The following RAD51B variants were observed in gnomAD, a reference collection of about 807,000 sequenced individuals.
The protein encoded by RAD51B is RAD51 paralog B, also known as DNA repair protein RAD51 homolog 2.
Under a neutral mutation model 42.2 loss-of-function variants are expected in RAD51B, and 38 were observed. That is an observed-to-expected ratio of 0.90 (90% CI 0.70 to 1.18). RAD51B has a LOEUF of 1.18. RAD51B is among the 50% of genes most tolerant of loss of function. RAD51B has a pLI of 0.00. For missense variants in RAD51B, 373 were observed against 400.7 expected (o/e 0.93, Z 0.59); for synonymous variants, 154 against 145.2 (o/e 1.06, Z -0.43).
At chr14:68,478,768 C>A (rs1347957157), downstream of RAD51B, among the ~76,000 whole-genome samples, 1 of 152,170 alleles carries the variant, frequency 6.6e-6, no homozygotes, top group Non-Finnish European at 1.5e-5. Flanking sequence ...CCTATGAGTG[C>A]CCAACAGAGT....
rs570567381 is a variant in RAD51B at position 68,251,582 on chromosome 14, G to A, written c.757-40302G>A. 2.8e-4 allele frequency among the ~76,000 whole-genome samples: 42 copies of A among 152,306 alleles called. No individual in the cohort carries two copies. The South Asian group carries it at 7.7e-3, about 28-fold the overall frequency. On this transcript the variant is annotated intron_variant, in intron 7 of 10. Transcript: ENST00000471583. ...ACTTTCCCATGATGAGCTTTAGTCT[G>A]AAGCATCCTGCAGGTGTCACATCTG...
intron 8 of RAD51B, among the ~76,000 whole-genome samples, chr14:68,382,737 A>G (rs1450694296): frequency 6.6e-6 from 1 of 152,174 alleles, no homozygotes; most frequent in Admixed American, 6.5e-5. Context: ...GACCAGCACA[A>G]TGTATCCTGG....
chr14:67,934,238 C>A (rs1434708891), intron 7 of RAD51B, among the ~76,000 whole-genome samples: 1 of 152,088 alleles, frequency 6.6e-6, no homozygotes, highest in Admixed American at 6.5e-5. Flanking sequence ...TTGTGGCCTA[C>A]TTAGCAAAGC....
intron 7 of RAD51B, among the ~76,000 whole-genome samples, chr14:68,020,758 G>A (rs923824421): frequency 1.3e-5 from 2 of 152,102 alleles, no homozygotes; most frequent in Admixed American, 6.5e-5. Context: ...TAAATTTTAT[G>A]TATACTTTAC....
At chr14:68,667,236 T>A (rs1400704107) in intron 11 of RAD51B, among the ~76,000 whole-genome samples, 1 of 152,216 alleles carries the variant, frequency 6.6e-6, no homozygotes, top group East Asian at 1.9e-4. Context: ...AGTTGATGCT[T>A]CAGCCTTGAG....
chr14:67,980,443 TA>T (rs2075071004), intron 7 of RAD51B, among the ~76,000 whole-genome samples: 1 of 151,888 alleles, frequency 6.6e-6, no homozygotes, highest in Non-Finnish European at 1.5e-5. Flanking sequence ...AACTCCGTCT[TA>T]AAAAACAAAA....
intron 10 of RAD51B, among the ~76,000 whole-genome samples, chr14:68,619,113 T>C (rs1223401716): frequency 2.0e-5 from 3 of 152,192 alleles, no homozygotes; most frequent in Admixed American, 2.0e-4. Context: ...TCCTGACACA[T>C]GCTCCCTGGA....
intron 10 of RAD51B, among the ~76,000 whole-genome samples, chr14:68,544,284 G>A (rs1217178797): frequency 6.6e-6 from 1 of 152,184 alleles, no homozygotes; most frequent in Non-Finnish European, 1.5e-5. Flanking sequence ...GCTGGAGGAA[G>A]GTTAATACTG....
intron 8 of RAD51B, among the ~76,000 whole-genome samples, chr14:68,358,417 G>A (rs1281585760): frequency 2.0e-5 from 3 of 152,196 alleles, no homozygotes; most frequent in African/African-American, 7.2e-5. Context: ...TCCGAGGCAT[G>A]TTTCAGTTTT....
intron 7 of RAD51B, among the ~76,000 whole-genome samples, chr14:68,101,583 C>T (rs2077290206): frequency 6.6e-6 from 1 of 152,212 alleles, no homozygotes; most frequent in African/African-American, 2.4e-5. Context: ...TCCTTTGACT[C>T]CGTGTCTCAT....
intron 10 of RAD51B, among the ~76,000 whole-genome samples, chr14:68,646,064 CTT>C (rs146646503): frequency 6.7e-6 from 1 of 148,720 alleles, no homozygotes; most frequent in Non-Finnish European, 1.5e-5. Context: ...TGCTAGGCAT[CTT>C]TTTTTTTTTA....
chr14:67,907,712 C>A (rs538550777), intron 7 of RAD51B, among the ~76,000 whole-genome samples: 15 of 152,030 alleles, frequency 9.9e-5, no homozygotes, highest in Non-Finnish European at 1.2e-4. Flanking sequence ...CCTAGACTTA[C>A]AGGGAGAGAA....
intron 10 of RAD51B, among the ~76,000 whole-genome samples, chr14:68,629,350 TAAG>T (rs1387192604): frequency 1.3e-5 from 2 of 152,026 alleles, no homozygotes; most frequent in Admixed American, 1.3e-4. Context: ...GTTTGCAAAA[TAAG>T]AACCCCAAAA....
intron 7 of RAD51B, among the ~76,000 whole-genome samples, chr14:68,157,363 A>G (rs1002901432): frequency 3.9e-5 from 6 of 152,210 alleles, no homozygotes; most frequent in African/African-American, 1.4e-4. Flanking sequence ...TAAGCTAATC[A>G]ACAGAGATTT....
chr14:68,322,711 G>A (rs1057041782), intron 8 of RAD51B, among the ~76,000 whole-genome samples: 7 of 152,170 alleles, frequency 4.6e-5, no homozygotes, highest in East Asian at 3.9e-4. Flanking sequence ...TCTGTGGAAA[G>A]GCCATTGTCT....
intron 7 of RAD51B, among the ~76,000 whole-genome samples, chr14:68,128,034 G>A (rs2077808243): frequency 6.6e-6 from 1 of 152,136 alleles, no homozygotes; most frequent in Admixed American, 6.5e-5. Context: ...GATACAATTA[G>A]AAAAACCCAT....
intron 7 of RAD51B, among the ~76,000 whole-genome samples, chr14:67,897,909 C>T (rs1304578954): frequency 6.6e-6 from 1 of 152,164 alleles, no homozygotes; most frequent in East Asian, 1.9e-4. Context: ...ACCTCAGCCT[C>T]CCAAAGTGCT....
At chr14:68,104,014 G>GT (rs2077335380) in intron 7 of RAD51B, among the ~76,000 whole-genome samples, 1 of 152,136 alleles carries the variant, frequency 6.6e-6, no homozygotes, top group South Asian at 2.1e-4. Flanking sequence ...CCAGTCGCAG[G>GT]TTTCAGAAGA....
intron 7 of RAD51B, among the ~76,000 whole-genome samples, chr14:68,096,308 C>T (rs540019198): frequency 6.6e-6 from 1 of 152,290 alleles, no homozygotes; most frequent in South Asian, 2.1e-4. Flanking sequence ...GAACTCTCTG[C>T]TATCCAGTTG....
Sources: allele counts gnomAD v4.1 joint callset (sites outside exome capture counted in the v4.1 genomes callset), GRCh38; gene constraint gnomAD v4.1.1; transcripts MANE v1.5; gene names NCBI Gene and HGNC (gene_info 2026-07-23, HGNC 2026-07-21).